The following DACH1 variants were observed in gnomAD, a reference collection of about 807,000 sequenced individuals.
DACH1 encodes the protein dachshund homolog 1.
Under a neutral mutation model 54.2 loss-of-function variants are expected in DACH1, and 12 were observed. The observed-to-expected ratio is 0.22, with a 90% CI of 0.14 to 0.36. The LOEUF is 0.36. Among genes scored for constraint, DACH1 ranks in the 10% least tolerant of loss-of-function variants. The probability of loss-of-function intolerance (pLI) is 1.00; values close to 1 mark genes in which losing one functional copy is unlikely to be tolerated. For missense variants in DACH1, 805 were observed against 929.8 expected, an observed-to-expected ratio of 0.87 and a Z score of 1.75; for synonymous variants, 386 against 366.2, an observed-to-expected ratio of 1.05 and a Z score of -0.62.
intron 6 of DACH1, among the ~76,000 whole-genome samples, chr13:71,507,339 G>T (rs544423045): frequency 6.6e-6 from 1 of 152,152 alleles, no homozygotes; most frequent in East Asian, 1.9e-4. Context: ...TCTCCACAGA[G>T]AATTTTAATA....
intron 1 of DACH1, among the ~76,000 whole-genome samples, chr13:71,819,070 G>C (rs552058640): frequency 7.2e-5 from 11 of 152,254 alleles, no homozygotes; most frequent in African/African-American, 2.4e-4. Context: ...GGCATCCTGG[G>C]GCTGCCAGGT....
intron 2 of DACH1, among the ~76,000 whole-genome samples, chr13:71,671,600 T>A (rs1442315982): frequency 6.6e-6 from 1 of 152,040 alleles, no homozygotes; most frequent in African/African-American, 2.4e-5. Context: ...CAATGTAAAA[T>A]TGCCTTCAAA....
chr13:71,590,575 T>G (rs756378894), intron 3 of DACH1, among the ~76,000 whole-genome samples: 76 of 152,142 alleles, frequency 5.0e-4, no homozygotes, highest in Non-Finnish European at 9.4e-4. Context: ...CACTTTGGAA[T>G]TAGCCATAGA....
intron 6 of DACH1, among the ~76,000 whole-genome samples, chr13:71,552,891 A>C (rs1883973450): frequency 7.5e-6 from 1 of 133,620 alleles, no homozygotes; most frequent in Admixed American, 7.8e-5. Context: ...AAAGAGACAG[A>C]ACTAATAGAC....
At chr13:71,716,513 C>T (rs1882972177) in intron 1 of DACH1, among the ~76,000 whole-genome samples, 1 of 152,042 alleles carries the variant, frequency 6.6e-6, no homozygotes, top group African/African-American at 2.4e-5. Context: ...TCCTGAAATG[C>T]CCATTCCTTC....
At chr13:71,748,714 G>T (rs1330740414) in intron 1 of DACH1, among the ~76,000 whole-genome samples, 1 of 152,056 alleles carries the variant, frequency 6.6e-6, no homozygotes, top group Non-Finnish European at 1.5e-5. Context: ...TGTTAGCTCA[G>T]AAAATAATGT....
intron 1 of DACH1, among the ~76,000 whole-genome samples, chr13:71,702,769 TA>T (rs1314331815): frequency 2.0e-5 from 3 of 152,102 alleles, no homozygotes; most frequent in African/African-American, 7.2e-5. Flanking sequence ...ATTACTTCTT[TA>T]AAATTAGTGA....
intron 1 of DACH1, among the ~76,000 whole-genome samples, chr13:71,713,897 A>C (rs868444290): frequency 3.3e-5 from 5 of 152,112 alleles, no homozygotes; most frequent in Admixed American, 1.3e-4. Context: ...TTATAGAGGT[A>C]GTTCAGATTC....
At chr13:71,859,096 T>C (rs1173050085) in intron 1 of DACH1, among the ~76,000 whole-genome samples, 1 of 151,952 alleles carries the variant, frequency 6.6e-6, no homozygotes, top group East Asian at 1.9e-4. Flanking sequence ...TCCAGTTTAA[T>C]GAGTTGTCTT....
intron 4 of DACH1, among the ~76,000 whole-genome samples, chr13:71,572,182 T>C (rs1885254197): frequency 6.6e-6 from 1 of 152,200 alleles, no homozygotes; most frequent in African/African-American, 2.4e-5. Flanking sequence ...AATATTTTGA[T>C]TTAAGTACAC....
rs79277608 is a variant in DACH1, at chr13:71,647,844, C to T, written c.965-17127G>A. 4.1e-3 allele frequency among the ~76,000 whole-genome samples: 627 copies of T among 152,350 alleles called. 4 individuals are homozygous for T. The highest frequency in any genetic ancestry group is 7.0e-3 in the Non-Finnish European group (474 of 68,036). On this transcript the variant is annotated intron_variant, in intron 2 of 10. Transcript: ENST00000613252. ...TTCAAAAAGAAGCCCACTTACTTTG[C>T]TATTTCCAATATTCCAATATTTGTA... is the stretch of plus-strand genomic sequence containing the variant.
At chr13:71,748,903 T>C (rs1469544295) in intron 1 of DACH1, among the ~76,000 whole-genome samples, 1 of 19,814 alleles carries the variant, frequency 5.0e-5, no homozygotes, top group African/African-American at 1.3e-4. Context: ...TCTTTCTCTT[T>C]CTTTCTTTCT....
At chr13:71,619,947 G>T (rs1412700763) in intron 3 of DACH1, among the ~76,000 whole-genome samples, 1 of 151,898 alleles carries the variant, frequency 6.6e-6, no homozygotes, top group African/African-American at 2.4e-5. Context: ...GGCTTGGACA[G>T]TGGCAGGTAT....
chr13:71,475,422 G>C (rs951937907), intron 9 of DACH1, among the ~76,000 whole-genome samples: 1 of 152,020 alleles, frequency 6.6e-6, no homozygotes, highest in Non-Finnish European at 1.5e-5. Flanking sequence ...GATGGGGTTC[G>C]GAAATTCTCA....
intron 1 of DACH1, among the ~76,000 whole-genome samples, chr13:71,781,616 G>A (rs1886385444): frequency 6.6e-6 from 1 of 152,016 alleles, no homozygotes. Flanking sequence ...CTGACCTCGT[G>A]ATCCGCCCGC....
intron 7 of DACH1, among the ~76,000 whole-genome samples, chr13:71,483,379 G>A (rs905473596): frequency 2.1e-5 from 3 of 145,854 alleles, no homozygotes; most frequent in Admixed American, 1.4e-4. Flanking sequence ...ATTAAATTAT[G>A]TATCAATAAT....
chr13:71,464,804 G>A (rs1876419241), intron 10 of DACH1: 1 of 435,152 alleles, frequency 2.3e-6, no homozygotes, highest in African/African-American at 2.1e-5. Flanking sequence ...ACAGAAATCT[G>A]TAAAGATATT....
intron 2 of DACH1, among the ~76,000 whole-genome samples, chr13:71,673,402 A>G (rs1242412188): frequency 1.3e-5 from 2 of 152,140 alleles, no homozygotes; most frequent in Non-Finnish European, 2.9e-5. Flanking sequence ...CTATATTTAC[A>G]TTCAGTTAAC....
intron 1 of DACH1, among the ~76,000 whole-genome samples, chr13:71,796,779 A>T (rs1887071532): frequency 6.6e-6 from 1 of 152,126 alleles, no homozygotes; most frequent in Non-Finnish European, 1.5e-5. Context: ...TCATATAAAC[A>T]TATTCAATTA....
Sources: gnomAD v4.1 joint callset for allele counts (sites outside exome capture counted in the v4.1 genomes callset) on GRCh38, gnomAD v4.1.1 for gene constraint, MANE v1.5 for transcripts, NCBI Gene and HGNC (gene_info 2026-07-23, HGNC 2026-07-21) for gene names.